The following TRANK1 variants were observed in gnomAD, a reference collection of about 807,000 sequenced individuals.
TRANK1 encodes TPR and ankyrin repeat-containing protein 1.
Under a neutral mutation model 266.0 loss-of-function variants are expected in TRANK1, and 198 were observed. The ratio of observed to expected loss-of-function variants is 0.74; its 90% confidence interval spans 0.66 to 0.84. TRANK1 has a LOEUF of 0.84. Among genes scored for constraint, TRANK1 ranks in the 40% least tolerant of loss-of-function variants. The pLI, the probability that TRANK1 is intolerant of heterozygous loss-of-function variation, is 0.00. For synonymous variants in TRANK1, 1,396 were observed against 1,384.1 expected, an observed-to-expected ratio of 1.01 and a Z score of -0.19; for missense variants, 3,326 against 3,634.6, an observed-to-expected ratio of 0.92 and a Z score of 2.18.
Position 36,831,775 on chromosome 3 carries a change from C to T in TRANK1, c.7808G>A (p.Cys2603Tyr), listed in dbSNP as rs777606678. Reference sequence around the variant, plus strand: ...GAGCCTCTCGGGAACCTGGCCAGGGCAGTCCATGCTCATGAGCTGCAGCCT... The same window carrying T: ...GAGCCTCTCGGGAACCTGGCCAGGGTAGTCCATGCTCATGAGCTGCAGCCT... Reference protein sequence around the residue: ...ESRLQLMSMDCPGQVPERLLK... With the variant: ...ESRLQLMSMDYPGQVPERLLK... The change falls in exon 22 of 24, where the codon TGC (cysteine) becomes TAC (tyrosine). Residue 2603 changes from cysteine to tyrosine, a missense_variant. Coordinates refer to ENST00000645898, the MANE Select transcript of TRANK1 (RefSeq NM_001329998.2). The surrounding 1 kb of genome is among the most constrained non-coding windows in gnomAD (Gnocchi z 5.0). 3.7e-6 allele frequency: 6 copies of T among 1,614,002 alleles called. No individual in the cohort carries two copies. Among genetic ancestry groups the T allele is most frequent in the Non-Finnish European group, 5.1e-6 (6 of 1,179,896 alleles).
At chr3:36,834,019 A>G in intron 21 of TRANK1, 100 bp from the exon 22 acceptor site, 1 of 1,191,898 alleles carries the variant, frequency 8.4e-7, no homozygotes, top group Non-Finnish European at 1.1e-6. Context: ...AAACTCCCAC[A>G]TGTAGATATT....
In TRANK1 at chr3:36,864,349, T is replaced by G. The variant is rs1334607524; in HGVS notation, c.1210A>C (p.Arg404=). The change falls in exon 10 of 24, where the codon AGG becomes CGG. Residue 404 remains arginine (R), a synonymous_variant. Transcript: ENST00000645898. ...KNFLKQEVVQ[R]FLRLLSTLQE... ...AGAGTAGAAAGGAGACGCAAGAACC[T>G]CTGAACTACTTCCTGCTTCAGAAAG... 1 of 1,536,294 alleles carries G rather than the reference T, an allele frequency of 6.5e-7. No individual in the cohort carries two copies. The highest frequency in any genetic ancestry group is 8.7e-7 in the Non-Finnish European group (1 of 1,146,542).
At chr3:36,905,182 G>A (rs1309620876) in intron 2 of TRANK1, among the ~76,000 whole-genome samples, 2 of 151,958 alleles carry the variant, frequency 1.3e-5, no homozygotes, top group Admixed American at 1.3e-4. Flanking sequence ...CAGCTACTCG[G>A]GAGGCTGAGG....
rs533928990 is a variant in TRANK1, at chr3:36,881,059, CT to C, written c.908-6764del. On this transcript the variant is annotated intron_variant, in intron 8 of 23. Coordinates refer to ENST00000645898, the MANE Select transcript of TRANK1 (RefSeq NM_001329998.2). ...TTAAATTCAAGCCACATCCAATGAA[CT>C]TTTTTTTATCAAAAACATGAACTTT... 8.1e-3 allele frequency among the ~76,000 whole-genome samples: 1,230 copies of C among 151,736 alleles called. 13 individuals carry two copies. Among genetic ancestry groups the C allele is most frequent in the African/African-American group, 0.028 (1,156 of 41,362 alleles).
chr3:36,892,936 G>A lies in TRANK1; in HGVS notation c.601C>T (p.His201Tyr), dbSNP rs534531461. The A allele has an allele frequency of 2.6e-6, 4 of 1,513,724 alleles. No individual in the cohort carries two copies. In the African/African-American group the frequency reaches 5.6e-5, roughly 21 times the overall value. 93.8% of individuals were successfully genotyped at this position (1,513,724 alleles called of 1,614,324 possible). Residue 201 changes from histidine (H) to tyrosine (Y), a missense_variant, in exon 6 of 24, where the codon CAT (histidine) becomes TAT (tyrosine). Coordinates refer to ENST00000645898, the MANE Select transcript of TRANK1 (RefSeq NM_001329998.2). ...AKKDRLPRNIHVPELSLKSLF... is the reference protein window; with the variant it reads ...AKKDRLPRNIYVPELSLKSLF... ...CTTTTCAGTGATAACTCTGGGACAT[G>A]AATATTTCTTGGTAATCGGTCTTTT...
rs551273207 is a variant in TRANK1, at chr3:36,865,707, A to C, written c.1079-1227T>G. ...AGCAACATGGCAAAACCCAGTCTCT[A>C]CAAAACATACACATGTACACACACA... On this transcript the variant is annotated intron_variant, in intron 9 of 23. Coordinates refer to ENST00000645898, the MANE Select transcript of TRANK1 (RefSeq NM_001329998.2). Among the ~76,000 whole-genome samples, 8 of 152,258 alleles carry C rather than the reference A, an allele frequency of 5.3e-5. No individual in the cohort carries two copies. In the South Asian group the frequency reaches 1.7e-3, roughly 32 times the overall value.
intron 17 of TRANK1, among the ~76,000 whole-genome samples, chr3:36,844,744 C>T (rs145437027): frequency 2.6e-5 from 4 of 152,222 alleles, no homozygotes; most frequent in African/African-American, 9.6e-5. Flanking sequence ...TTTCCCATCA[C>T]AATAGTCAAG....
chr3:36,921,431 A>G (rs758623087), intron 1 of TRANK1, among the ~76,000 whole-genome samples: 5 of 152,202 alleles, frequency 3.3e-5, no homozygotes, highest in Non-Finnish European at 4.4e-5. Context: ...GCGGCACCGA[A>G]AATTTATTTG....
chr3:36,838,732 AGTT>A lies in TRANK1; in HGVS notation c.5281-19_5281-17del. On this transcript the variant is annotated splice_polypyrimidine_tract_variant and intron_variant, in intron 18 of 23. Transcript: ENST00000645898. ...TGGCTGCAACCTGGAATAGGCAAAAAGTTTTATTCCCAGCAAGGTAATGGAGGT... is the reference window on the plus strand; with the variant it reads ...TGGCTGCAACCTGGAATAGGCAAAAATTATTCCCAGCAAGGTAATGGAGGT... 2 of 1,609,092 alleles carry A rather than the reference AGTT, an allele frequency of 1.2e-6. No homozygotes were observed. Among genetic ancestry groups the A allele is most frequent in the Non-Finnish European group, 1.7e-6 (2 of 1,177,360 alleles).
At chr3:36,868,984 C>T (rs528078560) in intron 9 of TRANK1, among the ~76,000 whole-genome samples, 2 of 152,302 alleles carry the variant, frequency 1.3e-5, no homozygotes, top group African/African-American at 2.4e-5. Context: ...TCCAATCTTG[C>T]GCTTCTTGGT....
At chr3:36,942,131 A>G (rs1439206826) in intron 1 of TRANK1, among the ~76,000 whole-genome samples, 1 of 152,226 alleles carries the variant, frequency 6.6e-6, no homozygotes, top group East Asian at 1.9e-4. Context: ...AGATAAAATA[A>G]TGAGGGCATA....
At chr3:36,940,940 C>G (rs368130368) in intron 1 of TRANK1, among the ~76,000 whole-genome samples, 1 of 152,128 alleles carries the variant, frequency 6.6e-6, no homozygotes, top group South Asian at 2.1e-4. Flanking sequence ...CAATGAGTCC[C>G]TAGAAGTCAT....
At chr3:36,847,396 C>A in intron 15 of TRANK1, 50 bp from the exon 16 acceptor site, 1 of 1,591,878 alleles carries the variant, frequency 6.3e-7, no homozygotes, top group South Asian at 1.1e-5. Context: ...TTTTGAACTA[C>A]GCATACAGCC....
chr3:36,847,005 A>G (rs575298360), intron 16 of TRANK1, among the ~76,000 whole-genome samples, 195 bp downstream of exon 16: 5 of 152,172 alleles, frequency 3.3e-5, no homozygotes, highest in Non-Finnish European at 7.4e-5. Flanking sequence ...TCCACCCATC[A>G]AGCCCAGTTC....
Position 36,829,594 on chromosome 3 carries a change from T to C in TRANK1, c.8779A>G (p.Met2927Val), listed in dbSNP as rs2078668512. ...TTCTTTAAGCGGGTCTCTGTTTTCATCAACCAGTCTCGTGCATCCCTGACT... is the reference window on the plus strand; with the variant it reads ...TTCTTTAAGCGGGTCTCTGTTTTCACCAACCAGTCTCGTGCATCCCTGACT... ...LSVRDARDWL[M>V]KTETRLKKEG... The change falls in exon 23 of 24, where the codon ATG becomes GTG. Residue 2927 changes from methionine (M) to valine (V), a missense_variant. By Grantham distance (21) the Met-to-Val change is conservative. Transcript: ENST00000645898. The C allele has an allele frequency of 6.2e-7, 1 of 1,613,882 alleles. No individual in the cohort carries two copies. Among genetic ancestry groups the C allele is most frequent in the Non-Finnish European group, 8.5e-7 (1 of 1,179,900 alleles).
Position 36,847,326 on chromosome 3 carries a change from G to A in TRANK1, c.4908C>T (p.Ile1636=). ...TTGAGGTAGGTGTGAATGAGGAAAT[G>A]ATCTTCCATTCCTTATAAGCCTGAA... is the stretch of plus-strand genomic sequence containing the variant. ...TDSEAYKEWK[I]ISSFTPTSTD... Residue 1636 remains isoleucine, a synonymous_variant, in exon 16 of 24, where the codon ATC becomes ATT. Transcript: ENST00000645898. 1.9e-6 allele frequency: 3 copies of A among 1,613,578 alleles called. No individual in the cohort carries two copies. The highest frequency in any genetic ancestry group is 2.5e-6 in the Non-Finnish European group (3 of 1,179,720).
chr3:36,944,058 G>A (rs2080535208), intron 1 of TRANK1, among the ~76,000 whole-genome samples: 1 of 152,116 alleles, frequency 6.6e-6, no homozygotes, highest in African/African-American at 2.4e-5. Context: ...CCCGCGGGAC[G>A]GAGACAGGGA....
rs574778540 is a variant in TRANK1 at position 36,904,418 on chromosome 3, G to A, written c.156-1143C>T. 3.0e-3 allele frequency among the ~76,000 whole-genome samples: 460 copies of A among 151,864 alleles called. 4 individuals carry two copies. Among genetic ancestry groups the A allele is most frequent in the Non-Finnish European group, 5.1e-3 (347 of 67,962 alleles). ...ACCTGTAGTCCCAGCTACATGGCAG[G>A]CTGAGGCAGGAGAATCGTTTGAACC... On this transcript the variant is annotated intron_variant, in intron 2 of 23. Coordinates refer to ENST00000645898, the MANE Select transcript of TRANK1 (RefSeq NM_001329998.2).
chr3:36,832,763 G>A lies in TRANK1; in HGVS notation c.6820C>T (p.Pro2274Ser), dbSNP rs1297836991. The A allele has an allele frequency of 6.2e-7, 1 of 1,613,998 alleles. No homozygotes were observed. The highest frequency in any genetic ancestry group is 1.1e-5 in the South Asian group (1 of 91,080). Residue 2274 changes from proline to serine, a missense_variant, in exon 22 of 24, where the codon CCT (proline) becomes TCT (serine). Transcript: ENST00000645898. Reference sequence around the variant, plus strand: ...AACACTCTCTGATGGAAATGCTTAGGGAAAAGGACATCCAGAATGGACTTG... The same window carrying A: ...AACACTCTCTGATGGAAATGCTTAGAGAAAAGGACATCCAGAATGGACTTG... ...LCKSILDVLF[P>S]KHFHQRVLSE...
Sources: allele counts gnomAD v4.1 joint callset (sites outside exome capture counted in the v4.1 genomes callset), GRCh38; gene constraint gnomAD v4.1.1; non-coding constraint Gnocchi (gnomAD v3.1); transcripts MANE v1.5; gene names NCBI Gene and HGNC (gene_info 2026-07-23, HGNC 2026-07-21).